MYO3B: variants seen among roughly 807,000 people sequenced by gnomAD.
MYO3B encodes the protein myosin IIIB, also known as myosin-IIIb.
In MYO3B, 156 loss-of-function variants were observed where a neutral mutation model predicts 174.6. That is an observed-to-expected ratio of 0.89 (90% CI 0.78 to 1.02). The LOEUF is 1.02. Ranked by LOEUF, MYO3B falls within the 50% of genes least tolerant of loss-of-function variation. The pLI is 0.00. For synonymous variants in MYO3B, 563 were observed against 569.1 expected (o/e 0.99, Z 0.15); for missense variants, 1,632 against 1,639.4 (o/e 1.00, Z 0.08).
At chr2:170,265,209 T>C (rs919659828) in intron 7 of MYO3B, among the ~76,000 whole-genome samples, 1 of 152,204 alleles carries the variant, frequency 6.6e-6, no homozygotes, top group Non-Finnish European at 1.5e-5. Flanking sequence ...GACAGACTTT[T>C]AAAGAATATG....
At position 170,466,647 on chromosome 2, in the gene MYO3B, G is replaced by T. The variant is rs774343513; in HGVS notation, c.2950G>T (p.Glu984Ter). Residue 984 changes from glutamate (E) to a stop codon, truncating the protein, a stop_gained, in exon 25 of 35, where the codon GAG (glutamate) becomes TAG (stop). Coordinates refer to ENST00000408978, the MANE Select transcript of MYO3B (RefSeq NM_138995.5). LOFTEE classifies it high-confidence loss of function. Reference protein sequence around the residue: ...LAQLRSTGILETVSIRRQGYS... With the variant: ...LAQLRSTGIL ...CCAGCTCCGCTCCACAGGGATTCTG[G>T]AGACAGTCAGCATCCGCCGCCAGGG... is the stretch of plus-strand genomic sequence containing the variant. The T allele has an allele frequency of 1.2e-6, 2 of 1,614,086 alleles. No individual in the cohort carries two copies. The highest frequency in any genetic ancestry group is 2.7e-5 in the African/African-American group (2 of 74,930).
chr2:170,573,227 G>GTGTGTA (rs1446970724), intron 32 of MYO3B, among the ~76,000 whole-genome samples: 505 of 46,460 alleles, frequency 0.011, 2 homozygotes, highest in Middle Eastern at 0.049. Flanking sequence ...TATACTGTGT[G>GTGTGTA]TATATATATA....
intron 7 of MYO3B, among the ~76,000 whole-genome samples, chr2:170,300,966 A>G (rs931541694): frequency 2.6e-5 from 4 of 152,236 alleles, no homozygotes; most frequent in African/African-American, 9.6e-5. Context: ...TTAGTTAGTT[A>G]GTTGATGAAC....
intron 7 of MYO3B, among the ~76,000 whole-genome samples, chr2:170,297,239 TC>T (rs1168881041): frequency 2.0e-5 from 3 of 151,934 alleles, no homozygotes; most frequent in Non-Finnish European, 4.4e-5. Context: ...AAAGATTTTT[TC>T]CCCCCAATAC....
At chr2:170,334,012 T>C (rs2093929863) in intron 7 of MYO3B, 1 of 152,186 alleles carries the variant, frequency 6.6e-6, no homozygotes, top group Non-Finnish European at 1.5e-5. Context: ...AGCTTTGCAA[T>C]GTCATAATGA....
At chr2:170,565,924 A>C (rs140315536) in intron 32 of MYO3B, among the ~76,000 whole-genome samples, 4 of 152,206 alleles carry the variant, frequency 2.6e-5, no homozygotes, top group Non-Finnish European at 5.9e-5. Context: ...CTCAGGCCCT[A>C]CTGAGAGAGG....
At chr2:170,239,834 C>T (rs778958700) in intron 7 of MYO3B, among the ~76,000 whole-genome samples, 10 of 152,208 alleles carry the variant, frequency 6.6e-5, no homozygotes, top group Admixed American at 3.3e-4. Flanking sequence ...ACCACAAACT[C>T]GGTGGATTAA....
chr2:170,333,469 A>G (rs138969622), intron 7 of MYO3B, among the ~76,000 whole-genome samples: 25 of 152,352 alleles, frequency 1.6e-4, no homozygotes, highest in African/African-American at 5.3e-4. Flanking sequence ...TTTGAATTAT[A>G]AGATATGAAG....
At chr2:170,590,941 T>TA (rs1352143662) in intron 32 of MYO3B, among the ~76,000 whole-genome samples, 13 of 152,284 alleles carry the variant, frequency 8.5e-5, no homozygotes, top group African/African-American at 2.9e-4. Flanking sequence ...TAGAGTCAAT[T>TA]ACCTTGAGAG....
At chr2:170,527,464 C>A (rs1689076879) in intron 30 of MYO3B, among the ~76,000 whole-genome samples, 1 of 152,230 alleles carries the variant, frequency 6.6e-6, no homozygotes, top group African/African-American at 2.4e-5. Context: ...GTCATTCGGA[C>A]TTCTGATAGC....
chr2:170,303,525 T>C (rs1388630004), intron 7 of MYO3B, among the ~76,000 whole-genome samples: 1 of 152,154 alleles, frequency 6.6e-6, no homozygotes, highest in African/African-American at 2.4e-5. Context: ...GTTTGTTATA[T>C]AGGTAAATGT....
At chr2:170,187,018 T>A (rs1249412866) in intron 1 of MYO3B, among the ~76,000 whole-genome samples, 1 of 150,812 alleles carries the variant, frequency 6.6e-6, no homozygotes, top group Non-Finnish European at 1.5e-5. Context: ...TTTTTTTTTT[T>A]AAGTCTGGCT....
chr2:170,316,366 A>C (rs925706601), intron 7 of MYO3B, among the ~76,000 whole-genome samples: 6 of 152,216 alleles, frequency 3.9e-5, no homozygotes, highest in African/African-American at 1.4e-4. Flanking sequence ...TAAATGAATC[A>C]TTTCCTCTTC....
At chr2:170,224,476 C>T (rs1000064714) in intron 6 of MYO3B, among the ~76,000 whole-genome samples, 2 of 152,100 alleles carry the variant, frequency 1.3e-5, no homozygotes, top group African/African-American at 4.8e-5. Flanking sequence ...AACTGAGACA[C>T]CAGCTCATAT....
At chr2:170,594,555 A>G (rs954273408) in intron 32 of MYO3B, among the ~76,000 whole-genome samples, 4 of 152,210 alleles carry the variant, frequency 2.6e-5, no homozygotes, top group Non-Finnish European at 4.4e-5. Context: ...AATAGCAAAT[A>G]GGAATTTTAC....
chr2:170,275,672 C>A (rs572507517), intron 7 of MYO3B, among the ~76,000 whole-genome samples: 1 of 151,934 alleles, frequency 6.6e-6, no homozygotes, highest in South Asian at 2.1e-4. Context: ...TTCTAAGATA[C>A]GTTTCTTTAT....
At chr2:170,385,106 G>A (rs2094364315) in intron 12 of MYO3B, among the ~76,000 whole-genome samples, 1 of 152,144 alleles carries the variant, frequency 6.6e-6, no homozygotes, top group African/African-American at 2.4e-5. Flanking sequence ...ACATGGGGCA[G>A]GGTGTATGGG....
At chr2:170,294,201 T>C (rs1424338430) in intron 7 of MYO3B, among the ~76,000 whole-genome samples, 1 of 152,004 alleles carries the variant, frequency 6.6e-6, no homozygotes, top group Non-Finnish European at 1.5e-5. Flanking sequence ...TAATTTCTGT[T>C]CTTAAAAACA....
intron 3 of MYO3B, among the ~76,000 whole-genome samples, chr2:170,210,936 A>C (rs2092763392): frequency 6.6e-6 from 1 of 152,238 alleles, no homozygotes; most frequent in South Asian, 2.1e-4. Flanking sequence ...ACCAGCAGCC[A>C]TAAGATTTTC....
Sources: gnomAD v4.1 joint callset for allele counts (sites outside exome capture counted in the v4.1 genomes callset) on GRCh38, gnomAD v4.1.1 for gene constraint, MANE v1.5 for transcripts, NCBI Gene and HGNC (gene_info 2026-07-23, HGNC 2026-07-21) for gene names.